The following RIC1 variants were observed in gnomAD, a reference collection of about 807,000 sequenced individuals.
RIC1 encodes the protein guanine nucleotide exchange factor subunit RIC1.
A neutral mutation model predicts 169.0 loss-of-function variants in RIC1; 88 were observed. That is an observed-to-expected ratio of 0.52 (90% CI 0.44 to 0.62). The LOEUF (loss-of-function observed/expected upper bound fraction) is 0.62, where lower values mean the gene tolerates loss of function less well. Ranked by LOEUF, RIC1 falls within the 20% of genes least tolerant of loss-of-function variation. RIC1 has a pLI of 0.00. For missense variants in RIC1, 1,877 were observed against 1,725.5 expected (o/e 1.09, Z -1.56); for synonymous variants, 790 against 601.5 (o/e 1.31, Z -4.59).
At chr9:5,677,050 GAAC>G (rs1820493977) in intron 2 of RIC1, among the ~76,000 whole-genome samples, 1 of 152,192 alleles carries the variant, frequency 6.6e-6, no homozygotes, top group East Asian at 1.9e-4. Context: ...TCCATGAGTG[GAAC>G]AGCTACATTA....
intron 6 of RIC1, 89 bp from the exon 7 acceptor site, chr9:5,732,299 A>T: frequency 1.0e-6 from 1 of 992,760 alleles, no homozygotes; most frequent in Non-Finnish European, 1.6e-6. Context: ...AGCATTATGA[A>T]ATTGTATGTT....
intron 7 of RIC1, among the ~76,000 whole-genome samples, chr9:5,735,135 T>C (rs1824620928): frequency 6.6e-6 from 1 of 152,108 alleles, no homozygotes; most frequent in Non-Finnish European, 1.5e-5. Flanking sequence ...TTTCATGACA[T>C]TGACTTTTTT....
chr9:5,679,767 A>C (rs1187944177), intron 2 of RIC1, among the ~76,000 whole-genome samples: 1 of 152,230 alleles, frequency 6.6e-6, no homozygotes, highest in Admixed American at 6.5e-5. Context: ...TTCTAGATAT[A>C]CAATCATGTC....
intron 1 of RIC1, among the ~76,000 whole-genome samples, chr9:5,641,683 C>A (rs774368056): frequency 8.7e-6 from 1 of 115,324 alleles, no homozygotes; most frequent in African/African-American, 5.2e-5. Flanking sequence ...CTTTCTTCTG[C>A]TTGATCAATT....
At chr9:5,773,734 C>T (rs1827390378) in intron 25 of RIC1, among the ~76,000 whole-genome samples, 1 of 152,148 alleles carries the variant, frequency 6.6e-6, no homozygotes, top group South Asian at 2.1e-4. Flanking sequence ...AGCCTTTGCC[C>T]CTAATGCTTA....
rs111546732 is a variant in RIC1, at chr9:5,772,539, G to A, written c.3617-25G>A. 1.2e-5 allele frequency: 19 copies of A among 1,546,800 alleles called. No individual in the cohort carries two copies. The African/African-American group carries it at 1.5e-4, about 12-fold the overall frequency. On this transcript the variant is annotated intron_variant, in intron 23 of 25. Transcript: ENST00000414202. ...ATATATTTTCTCCACGAAGTTGGTT[G>A]TAACTTTTGGCAATTCTTCATCAGG... is the stretch of plus-strand genomic sequence containing the variant.
intron 17 of RIC1, among the ~76,000 whole-genome samples, chr9:5,759,219 G>C (rs1826190819): frequency 6.6e-6 from 1 of 152,164 alleles, no homozygotes; most frequent in African/African-American, 2.4e-5. Flanking sequence ...TCATTTTGCA[G>C]TCCTGAGGAA....
chr9:5,725,853 T>C (rs989346159), intron 6 of RIC1, among the ~76,000 whole-genome samples: 1 of 152,220 alleles, frequency 6.6e-6, no homozygotes, highest in South Asian at 2.1e-4. Flanking sequence ...TTCAGTTTCA[T>C]GTAGTTGAGT....
chr9:5,654,904 A>C lies in RIC1; in HGVS notation c.145-1679A>C, dbSNP rs113206784. Among the ~76,000 whole-genome samples, 43 of 152,230 alleles carry C rather than the reference A, an allele frequency of 2.8e-4. 1 individual carries two copies. Among genetic ancestry groups the C allele is most frequent in the African/African-American group, 1.0e-3 (42 of 41,538 alleles). ...CCACTTTTTTATTGCTGGTATATAG[A>C]AAATTTATTGACTTTTGTATATTAA... On this transcript the variant is annotated intron_variant, in intron 1 of 25. Transcript: ENST00000414202.
intron 3 of RIC1, among the ~76,000 whole-genome samples, chr9:5,708,501 A>T (rs911299124): frequency 6.6e-6 from 1 of 152,040 alleles, no homozygotes; most frequent in African/African-American, 2.4e-5. Context: ...TTTATCTGGA[A>T]ATTCATTAAT....
Position 5,756,218 on chromosome 9 carries a change from G to T in RIC1, c.1699G>T (p.Val567Leu). 2 of 1,563,412 alleles carry T rather than the reference G, an allele frequency of 1.3e-6. No homozygotes were observed. The highest frequency in any genetic ancestry group is 1.2e-5 in the South Asian group (1 of 83,042). Residue 567 changes from valine to leucine, a missense_variant, in exon 16 of 26, where the codon GTA (valine) becomes TTA (leucine). Transcript: ENST00000414202. ...NINDRQEELR[V>L]YLRTSNLDNA... is the part of the protein sequence containing the mutation. ...TCATTTTTGTTTTCTTCAGCTTAGA[G>T]TATACTTGCGAACATCAAATCTGGA...
At chr9:5,630,308 C>T (rs1056753922) in intron 1 of RIC1, among the ~76,000 whole-genome samples, 1 of 152,172 alleles carries the variant, frequency 6.6e-6, no homozygotes, top group African/African-American at 2.4e-5. Flanking sequence ...ATGAGAACGA[C>T]AGAGTTCAGA....
chr9:5,647,398 G>T (rs144309571), intron 1 of RIC1, among the ~76,000 whole-genome samples: 2 of 152,170 alleles, frequency 1.3e-5, no homozygotes, highest in Non-Finnish European at 2.9e-5. Flanking sequence ...ATTGCTTTGG[G>T]TAGTATTGAC....
chr9:5,684,665 A>C (rs995564967), intron 2 of RIC1, among the ~76,000 whole-genome samples: 2 of 152,180 alleles, frequency 1.3e-5, no homozygotes, highest in Non-Finnish European at 2.9e-5. Context: ...GACCATATCA[A>C]AAACAGTTTT....
intron 6 of RIC1, among the ~76,000 whole-genome samples, chr9:5,730,941 G>C (rs1296895864): frequency 6.6e-6 from 1 of 152,010 alleles, no homozygotes; most frequent in Non-Finnish European, 1.5e-5. Context: ...AGGCTTCTTT[G>C]CTGGTCTTTG....
At chr9:5,680,880 G>A (rs1452761478) in intron 2 of RIC1, among the ~76,000 whole-genome samples, 1 of 129,734 alleles carries the variant, frequency 7.7e-6, no homozygotes, top group Non-Finnish European at 1.6e-5. Flanking sequence ...AGGCTGGAGT[G>A]CAGTGGCGCG....
chr9:5,685,108 T>A (rs1166651935), intron 2 of RIC1, among the ~76,000 whole-genome samples: 1 of 151,922 alleles, frequency 6.6e-6, no homozygotes, highest in African/African-American at 2.4e-5. Context: ...TACAAACCAC[T>A]GCTCAAGGAA....
chr9:5,774,083 C>G lies in RIC1; in HGVS notation c.4109C>G (p.Thr1370Ser). The change falls in exon 26 of 26, where the codon ACT becomes AGT. Residue 1370 changes from threonine (T) to serine (S), a missense_variant. Coordinates refer to ENST00000414202, the MANE Select transcript of RIC1 (RefSeq NM_020829.4). ...PITMGKTPEQTSPRAEESRGS... is the reference protein window; with the variant it reads ...PITMGKTPEQSSPRAEESRGS... Reference sequence around the variant, plus strand: ...ACTATGGGTAAGACTCCAGAACAGACTAGCCCCCGGGCAGAGGAGAGCAGG... The same window carrying G: ...ACTATGGGTAAGACTCCAGAACAGAGTAGCCCCCGGGCAGAGGAGAGCAGG... 6.2e-7 allele frequency: 1 copy of G among 1,614,100 alleles called. No homozygotes were observed. The highest frequency in any genetic ancestry group is 8.5e-7 in the Non-Finnish European group (1 of 1,179,988).
intron 3 of RIC1, among the ~76,000 whole-genome samples, chr9:5,697,917 A>C (rs1822000931): frequency 6.6e-6 from 1 of 152,246 alleles, no homozygotes; most frequent in Non-Finnish European, 1.5e-5. Context: ...TTGAAAAGTC[A>C]TAATAGCATT....
Sources: allele counts gnomAD v4.1 joint callset (sites outside exome capture counted in the v4.1 genomes callset), GRCh38; gene constraint gnomAD v4.1.1; transcripts MANE v1.5; gene names NCBI Gene and HGNC (gene_info 2026-07-23, HGNC 2026-07-21).